The following GPC5 variants were observed in gnomAD, a reference collection of about 807,000 sequenced individuals.
The protein encoded by GPC5 is glypican 5, also known as glypican-5.
GPC5 carries 47 observed loss-of-function variants against 53.9 expected under a neutral mutation model. The observed-to-expected ratio is 0.87, with a 90% CI of 0.69 to 1.11. The LOEUF is 1.11. Ranked by LOEUF, GPC5 falls within the 50% of genes most tolerant of loss-of-function variation. The probability of loss-of-function intolerance (pLI) is 0.00; values close to 1 mark genes in which losing one functional copy is unlikely to be tolerated. For synonymous variants in GPC5, 286 were observed against 263.3 expected, an observed-to-expected ratio of 1.09 and a Z score of -0.84; for missense variants, 748 against 713.1, an observed-to-expected ratio of 1.05 and a Z score of -0.56.
chr13:91,562,619 A>ATT (rs35271520), intron 2 of GPC5, among the ~76,000 whole-genome samples: 12,365 of 125,926 alleles, frequency 0.098, 613 homozygotes, highest in Middle Eastern at 0.12. Flanking sequence ...ATGCCTGGCT[A>ATT]TTTTTTTTTT....
intron 7 of GPC5, among the ~76,000 whole-genome samples, chr13:92,623,949 G>T (rs1043471154): frequency 4.0e-5 from 6 of 151,752 alleles, no homozygotes; most frequent in African/African-American, 1.2e-4. Context: ...CTGCCTCCCG[G>T]GTTCAAGCGA....
At chr13:91,699,020 A>G (rs1182030997) in intron 3 of GPC5, among the ~76,000 whole-genome samples, 1 of 152,218 alleles carries the variant, frequency 6.6e-6, no homozygotes, top group African/African-American at 2.4e-5. Context: ...TGGGTTAAAG[A>G]AAGGACATCT....
intron 5 of GPC5, among the ~76,000 whole-genome samples, chr13:91,798,217 A>G (rs1362539947): frequency 6.6e-6 from 1 of 152,310 alleles, no homozygotes; most frequent in East Asian, 1.9e-4. Flanking sequence ...GCACATGTGT[A>G]GGAAGCGCAG....
chr13:92,106,928 T>C (rs902412957), intron 6 of GPC5, among the ~76,000 whole-genome samples: 3 of 152,132 alleles, frequency 2.0e-5, no homozygotes, highest in African/African-American at 7.2e-5. Flanking sequence ...GTTCTCTCCT[T>C]CCTTTGAGAC....
intron 6 of GPC5, among the ~76,000 whole-genome samples, chr13:92,141,729 G>A (rs2041832536): frequency 1.3e-5 from 2 of 152,268 alleles, no homozygotes; most frequent in African/African-American, 2.4e-5. Context: ...GGTCTCACAA[G>A]GCTGAAAGCA....
intron 7 of GPC5, among the ~76,000 whole-genome samples, chr13:92,452,822 G>T (rs968012190): frequency 1.3e-5 from 2 of 152,124 alleles, no homozygotes; most frequent in Non-Finnish European, 2.9e-5. Flanking sequence ...ACCTGCCTCG[G>T]CCTCCCAAAG....
At chr13:91,481,032 C>T (rs569569607) in intron 2 of GPC5, among the ~76,000 whole-genome samples, 58 of 151,990 alleles carry the variant, frequency 3.8e-4, no homozygotes, top group African/African-American at 1.4e-3. Context: ...GCAAATGGGC[C>T]GTGGTGCATG....
chr13:92,229,635 C>G (rs1157631330), intron 7 of GPC5, among the ~76,000 whole-genome samples: 1 of 152,146 alleles, frequency 6.6e-6, no homozygotes, highest in African/African-American at 2.4e-5. Flanking sequence ...GTCATGTCAG[C>G]CTGCTTTGAG....
intron 6 of GPC5, among the ~76,000 whole-genome samples, chr13:92,032,324 T>C (rs1322142429): frequency 1.3e-5 from 2 of 151,310 alleles, no homozygotes; most frequent in Non-Finnish European, 1.5e-5. Context: ...AGACTACAAA[T>C]TGAGTTCAGT....
At chr13:92,769,464 AACACC>A (rs1875531308) in intron 7 of GPC5, among the ~76,000 whole-genome samples, 1 of 151,888 alleles carries the variant, frequency 6.6e-6, no homozygotes, top group Admixed American at 6.6e-5. Context: ...CCTGGTGGAT[AACACC>A]TACAATCCCA....
At chr13:92,097,635 G>C (rs72635468) in intron 6 of GPC5, among the ~76,000 whole-genome samples, 1 of 152,152 alleles carries the variant, frequency 6.6e-6, no homozygotes, top group Non-Finnish European at 1.5e-5. Context: ...GGAGAGAAGC[G>C]AGAAGCCCAT....
At chr13:91,672,101 A>G (rs2035264440) in intron 2 of GPC5, among the ~76,000 whole-genome samples, 1 of 152,194 alleles carries the variant, frequency 6.6e-6, no homozygotes, top group African/African-American at 2.4e-5. Context: ...CTCAAGATGC[A>G]TTACAGACTT....
intron 7 of GPC5, among the ~76,000 whole-genome samples, chr13:92,645,379 G>T (rs1162677615): frequency 6.6e-6 from 1 of 152,070 alleles, no homozygotes; most frequent in Non-Finnish European, 1.5e-5. Flanking sequence ...TCCTGACTGG[G>T]AATCTTTAAA....
At chr13:92,717,892 A>G (rs1193875475) in intron 7 of GPC5, among the ~76,000 whole-genome samples, 4 of 152,164 alleles carry the variant, frequency 2.6e-5, no homozygotes, top group African/African-American at 9.7e-5. Context: ...AGAAAATATA[A>G]GGAACTCAAC....
At chr13:91,976,537 GA>G (rs2040303935) in intron 6 of GPC5, among the ~76,000 whole-genome samples, 1 of 152,180 alleles carries the variant, frequency 6.6e-6, no homozygotes, top group South Asian at 2.1e-4. Context: ...TAAGCTGTGG[GA>G]AAACAGGAAT....
chr13:92,846,968 G>C (rs558986625), intron 7 of GPC5, among the ~76,000 whole-genome samples: 1 of 152,134 alleles, frequency 6.6e-6, no homozygotes, highest in Non-Finnish European at 1.5e-5. Context: ...TCTTTGCGGG[G>C]ATAGTGAGAT....
intron 5 of GPC5, among the ~76,000 whole-genome samples, chr13:91,816,241 T>C (rs2038398174): frequency 6.6e-6 from 1 of 152,208 alleles, no homozygotes; most frequent in Non-Finnish European, 1.5e-5. Context: ...ATTGTGTTTG[T>C]TTTGTTCAAA....
intron 7 of GPC5, among the ~76,000 whole-genome samples, chr13:92,696,789 T>C (rs1239218776): frequency 6.6e-6 from 1 of 152,234 alleles, no homozygotes; most frequent in Admixed American, 6.5e-5. Context: ...ACATCTTGAA[T>C]GGTATTGCCT....
chr13:92,577,671 T>C (rs144124281), intron 7 of GPC5, among the ~76,000 whole-genome samples: 1 of 152,268 alleles, frequency 6.6e-6, no homozygotes, highest in East Asian at 1.9e-4. Context: ...TTTCCTGAGT[T>C]TATAAGTTTT....
Sources: gnomAD v4.1 joint callset for allele counts (sites outside exome capture counted in the v4.1 genomes callset) on GRCh38, gnomAD v4.1.1 for gene constraint, MANE v1.5 for transcripts, NCBI Gene and HGNC (gene_info 2026-07-23, HGNC 2026-07-21) for gene names.